Variants in WDR7 observed in about 807,000 individuals in gnomAD.
The protein encoded by WDR7 is WD repeat-containing protein 7.
In WDR7, 46 loss-of-function variants were observed where a neutral mutation model predicts 169.4. The ratio of observed to expected loss-of-function variants is 0.27; its 90% CI spans 0.21 to 0.35. The LOEUF (loss-of-function observed/expected upper bound fraction) is 0.35. Among genes scored for constraint, WDR7 ranks in the 10% least tolerant of loss-of-function variants. WDR7 has a pLI of 1.00. For missense variants in WDR7, 1,534 were observed against 1,859.3 expected, an observed-to-expected ratio of 0.83 and a Z score of 3.22; for synonymous variants, 612 against 666.8, an observed-to-expected ratio of 0.92 and a Z score of 1.27.
chr18:56,799,428 TTA>T (rs2044636811), intron 19 of WDR7, among the ~76,000 whole-genome samples: 1 of 151,806 alleles, frequency 6.6e-6, no homozygotes, highest in African/African-American at 2.4e-5. Context: ...TTGGTTTTTT[TTA>T]TTCATCAGAA....
At chr18:56,984,569 A>G (rs2047687524) in intron 26 of WDR7, among the ~76,000 whole-genome samples, 1 of 152,198 alleles carries the variant, frequency 6.6e-6, no homozygotes, top group Non-Finnish European at 1.5e-5. Flanking sequence ...TTACTCACAA[A>G]AAAACTTGGT....
At chr18:56,899,177 A>G (rs1224110143) in intron 21 of WDR7, among the ~76,000 whole-genome samples, 1 of 151,996 alleles carries the variant, frequency 6.6e-6, no homozygotes, top group Admixed American at 6.6e-5. Flanking sequence ...AGTTTGGTAC[A>G]GTTTTATTTA....
chr18:56,749,273 C>G (rs2043751029), intron 14 of WDR7, among the ~76,000 whole-genome samples: 1 of 151,884 alleles, frequency 6.6e-6, no homozygotes, highest in South Asian at 2.1e-4. Flanking sequence ...TCAGAACATG[C>G]AATGTAATAT....
At chr18:56,682,962 T>C (rs543433437) in intron 5 of WDR7, 109 bp downstream of exon 5, 4 of 1,196,908 alleles carry the variant, frequency 3.3e-6, no homozygotes, top group Non-Finnish European at 4.7e-6. Context: ...TATTCTTCTA[T>C]GTAAGAAATA....
At chr18:56,987,534 G>GA (rs1376048350) in intron 26 of WDR7, among the ~76,000 whole-genome samples, 1 of 152,130 alleles carries the variant, frequency 6.6e-6, no homozygotes, top group African/African-American at 2.4e-5. Context: ...CAGTGAATTG[G>GA]AAAGCAGCTT....
At chr18:56,958,899 C>G (rs909543309) in intron 25 of WDR7, among the ~76,000 whole-genome samples, 12 of 152,080 alleles carry the variant, frequency 7.9e-5, no homozygotes, top group Non-Finnish European at 1.5e-4. Flanking sequence ...TCTGTTGCAT[C>G]CTACTTGCTT....
chr18:56,974,362 C>CCTTTTTTTTTTT (rs754053234), intron 26 of WDR7, among the ~76,000 whole-genome samples: 1 of 111,816 alleles, frequency 8.9e-6, no homozygotes, highest in Non-Finnish European at 1.9e-5. Context: ...GCTTTTCTTG[C>CCTTTTTTTTTTT]TTTTTTTTTT....
At position 56,721,151 on chromosome 18, in the gene WDR7, G is replaced by A. The variant is rs138813049; in HGVS notation, c.1774+2992G>A. Reference sequence around the variant, plus strand: ...GAGATACTTGATCTCTCTTGTTAGTGTTTCAGGAATGTATTTTTCCAAATG... The same window carrying A: ...GAGATACTTGATCTCTCTTGTTAGTATTTCAGGAATGTATTTTTCCAAATG... On this transcript the variant is annotated intron_variant, in intron 13 of 27. Coordinates refer to ENST00000254442, the MANE Select transcript of WDR7 (RefSeq NM_015285.3). 4.6e-5 allele frequency among the ~76,000 whole-genome samples: 7 copies of A among 152,194 alleles called. No individual in the cohort carries two copies. In the East Asian group the frequency reaches 1.4e-3, roughly 29 times the overall value.
chr18:56,984,759 T>C (rs1294626964), intron 26 of WDR7, among the ~76,000 whole-genome samples: 1 of 152,168 alleles, frequency 6.6e-6, no homozygotes, highest in East Asian at 1.9e-4. Context: ...TTTGGAAGCC[T>C]CTTTGAAGGA....
At chr18:56,940,758 G>C (rs2047025141) in intron 25 of WDR7, among the ~76,000 whole-genome samples, 1 of 152,138 alleles carries the variant, frequency 6.6e-6, no homozygotes, top group Admixed American at 6.6e-5. Flanking sequence ...AATTTTAACA[G>C]TGCTCCTTAT....
intron 14 of WDR7, among the ~76,000 whole-genome samples, chr18:56,751,850 A>G (rs2043798168): frequency 6.6e-6 from 1 of 152,244 alleles, no homozygotes; most frequent in South Asian, 2.1e-4. Context: ...GCTATGAGAA[A>G]TAAAAGGGTA....
the WDR7 span, chr18:57,036,259 T>C: frequency 6.6e-6 from 1 of 152,360 alleles, no homozygotes; most frequent in Admixed American, 6.5e-5. Context: ...CACTGTGGTA[T>C]GCATTCACTC....
intron 1 of WDR7, among the ~76,000 whole-genome samples, chr18:56,668,377 C>T (rs578078890): frequency 6.6e-6 from 1 of 152,256 alleles, no homozygotes; most frequent in East Asian, 1.9e-4. Context: ...TCATTCTAGT[C>T]ATCATTTCTT....
In WDR7 at chr18:56,811,478, C is replaced by CTTTGTAG. The variant is rs552281659; in HGVS notation, c.3191-4553_3191-4552insTTTGTAG. 4.6e-5 allele frequency among the ~76,000 whole-genome samples: 7 copies of CTTTGTAG among 152,160 alleles called. No homozygotes were observed. In the South Asian group the frequency reaches 1.5e-3, roughly 32 times the overall value. On this transcript the variant is annotated intron_variant, in intron 19 of 27. Coordinates refer to ENST00000254442, the MANE Select transcript of WDR7 (RefSeq NM_015285.3). Reference sequence around the variant, plus strand: ...TCTTCTTAATAGGGCCTTTGTAGAACAAAAGTCTAAAAATTTTAATGAAGC... The same window carrying CTTTGTAG: ...TCTTCTTAATAGGGCCTTTGTAGAACTTTGTAGAAAAGTCTAAAAATTTTAATGAAGC...
downstream of WDR7, chr18:57,030,668 T>G (rs753847667): frequency 2.0e-5 from 3 of 152,152 alleles, no homozygotes; most frequent in African/African-American, 2.4e-5. Context: ...GGGAAATACT[T>G]CCACCCTCTA....
At chr18:56,812,136 A>G (rs546305483) in intron 19 of WDR7, among the ~76,000 whole-genome samples, 1 of 151,930 alleles carries the variant, frequency 6.6e-6, no homozygotes, top group Admixed American at 6.6e-5. Flanking sequence ...ATCTCCTTTG[A>G]TTTCTTTCAT....
Position 57,027,268 on chromosome 18 carries a change from T to C in WDR7, c.*61T>C, listed in dbSNP as rs1239907808. ...TCTAAATTATCCAAGCCGATGTTGCTCTGTCCTTCCTCACACCAGATTGTT... is the reference window on the plus strand; with the variant it reads ...TCTAAATTATCCAAGCCGATGTTGCCCTGTCCTTCCTCACACCAGATTGTT... On this transcript the variant is annotated 3_prime_UTR_variant, in exon 28 of 28. Coordinates refer to ENST00000254442, the MANE Select transcript of WDR7 (RefSeq NM_015285.3). 7.8e-6 allele frequency: 12 copies of C among 1,535,388 alleles called. No individual in the cohort carries two copies. The highest frequency in any genetic ancestry group is 2.4e-5 in the East Asian group (1 of 41,060).
At chr18:56,961,539 C>T (rs541498542) in intron 25 of WDR7, among the ~76,000 whole-genome samples, 14 of 152,076 alleles carry the variant, frequency 9.2e-5, no homozygotes, top group South Asian at 2.1e-4. Context: ...TGAAACTATT[C>T]GCAGATATAA....
rs556186868 is a variant in WDR7, at chr18:56,662,786, C to A, written c.-19-9711C>A. On this transcript the variant is annotated intron_variant, in intron 1 of 27. Coordinates refer to ENST00000254442, the MANE Select transcript of WDR7 (RefSeq NM_015285.3). ...ACAAGTTAAATGATATCATAAAAAA[C>A]AATCAGAAAAATCTTCAGATATGGA... Among the ~76,000 whole-genome samples the A allele has an allele frequency of 1.4e-4, 22 of 152,212 alleles. No homozygotes were observed. In the East Asian group the frequency reaches 4.1e-3, roughly 28 times the overall value.
Sources: allele counts gnomAD v4.1 joint callset (sites outside exome capture counted in the v4.1 genomes callset), GRCh38; gene constraint gnomAD v4.1.1; transcripts MANE v1.5; gene names NCBI Gene and HGNC (gene_info 2026-07-23, HGNC 2026-07-21).